The following ATP1B3 variants were observed in gnomAD, a reference collection of about 807,000 sequenced individuals.
ATP1B3 encodes ATPase Na+/K+ transporting subunit beta 3, also known as sodium/potassium-transporting ATPase subunit beta-3.
Under a neutral mutation model 30.2 loss-of-function variants are expected in ATP1B3, and 10 were observed. The observed-to-expected ratio is 0.33, with a 90% CI of 0.20 to 0.56. ATP1B3 has a LOEUF of 0.56. ATP1B3 is among the 20% of genes least tolerant of loss of function. The pLI, the probability that ATP1B3 is intolerant of heterozygous loss-of-function variation, is 0.90. For missense variants in ATP1B3, 238 were observed against 336.7 expected (o/e 0.71, Z 2.29); for synonymous variants, 113 against 117.0 (o/e 0.97, Z 0.22).
In ATP1B3 at chr3:141,926,123, C is replaced by T. The variant is rs990805057; in HGVS notation, c.*422C>T. The T allele has an allele frequency of 1.3e-5, 2 of 155,814 alleles. No homozygotes were observed. The highest frequency in any genetic ancestry group is 4.8e-5 in the African/African-American group (2 of 41,518). The allele number at this position is 155,814 out of a possible 1,614,324, so 9.7% of individuals were successfully genotyped here. A position where few individuals can be genotyped will look rare whatever the true frequency, so the allele number is the denominator to read the frequency against. On this transcript the variant is annotated 3_prime_UTR_variant, in exon 7 of 7. Transcript: ENST00000286371. ...CGGCCAACATCAAGTGACTTTATAGCTGCAAGAAATGTGGTATGTGGAGAA... is the reference window on the plus strand; with the variant it reads ...CGGCCAACATCAAGTGACTTTATAGTTGCAAGAAATGTGGTATGTGGAGAA...
chr3:141,910,634 T>TG (rs1466386228), intron 3 of ATP1B3, among the ~76,000 whole-genome samples: 1 of 152,132 alleles, frequency 6.6e-6, no homozygotes, highest in Non-Finnish European at 1.5e-5. Flanking sequence ...GTCTCTTTTC[T>TG]GGAAAACTCC....
intron 6 of ATP1B3, among the ~76,000 whole-genome samples, chr3:141,923,816 G>A (rs1019548932): frequency 1.3e-5 from 2 of 152,176 alleles, no homozygotes; most frequent in African/African-American, 4.8e-5. Flanking sequence ...CTTATTTTAT[G>A]TTCATTAGTT....
rs551616270 is a variant in ATP1B3 at position 141,894,142 on chromosome 3, A to G, written c.110-9478A>G. On this transcript the variant is annotated intron_variant, in intron 1 of 6. Coordinates refer to ENST00000286371, the MANE Select transcript of ATP1B3 (RefSeq NM_001679.4). ...AAAAAATGGTATACCTGTATAGGGCACTGACCTTGAATGGAGCTTGCAGGA... is the reference window on the plus strand; with the variant it reads ...AAAAAATGGTATACCTGTATAGGGCGCTGACCTTGAATGGAGCTTGCAGGA... Among the ~76,000 whole-genome samples the G allele has an allele frequency of 5.9e-5, 9 of 152,302 alleles. No individual in the cohort carries two copies. The South Asian group carries it at 1.5e-3, about 25-fold the overall frequency.
At chr3:141,887,264 A>G (rs1933852957) in intron 1 of ATP1B3, among the ~76,000 whole-genome samples, 1 of 152,340 alleles carries the variant, frequency 6.6e-6, no homozygotes, top group Middle Eastern at 3.4e-3. Context: ...TTTAGAAGTT[A>G]GAGTTGGTGA....
intron 5 of ATP1B3, among the ~76,000 whole-genome samples, chr3:141,920,481 C>T (rs1284539968): frequency 2.6e-5 from 4 of 151,638 alleles, no homozygotes. Context: ...GAGCCAAGAT[C>T]AGGCCATTGC....
chr3:141,925,571 T>G lies in ATP1B3; in HGVS notation c.710T>G (p.Phe237Cys). 1 of 1,613,770 alleles carries G rather than the reference T, an allele frequency of 6.2e-7. No homozygotes were observed. Among genetic ancestry groups the G allele is most frequent in the South Asian group, 1.1e-5 (1 of 91,014 alleles). The change falls in exon 7 of 7, where the codon TTT becomes TGT. Residue 237 changes from phenylalanine to cysteine, a missense_variant. Transcript: ENST00000286371. ...LQPLVAVQVS[F>C]APNNTGKEVT... ...CCATTGGTTGCTGTTCAGGTCAGCT[T>G]TGCTCCTAACAACACTGGGAAAGAA...
intron 1 of ATP1B3, among the ~76,000 whole-genome samples, chr3:141,890,065 G>GC (rs1170062409): frequency 7.0e-6 from 1 of 143,578 alleles, no homozygotes; most frequent in African/African-American, 2.6e-5. Flanking sequence ...TTTAAAAAAT[G>GC]CCTGTAATCT....
chr3:141,916,027 A>G lies in ATP1B3; in HGVS notation c.582+7A>G, dbSNP rs553141902. ...GATAGATTGTGTTTCAAAGGTTAGT[A>G]TTCAAAAAGTAACTCCTGTTAAATC... On this transcript the variant is annotated splice_region_variant and intron_variant, in intron 5 of 6. Coordinates refer to ENST00000286371, the MANE Select transcript of ATP1B3 (RefSeq NM_001679.4). 6.3e-7 allele frequency: 1 copy of G among 1,599,246 alleles called. No homozygotes were observed. Among genetic ancestry groups the G allele is most frequent in the South Asian group, 1.1e-5 (1 of 88,338 alleles).
chr3:141,924,260 C>T (rs1351054376), intron 6 of ATP1B3, among the ~76,000 whole-genome samples: 1 of 150,292 alleles, frequency 6.7e-6, no homozygotes, highest in African/African-American at 2.5e-5. Context: ...AGGAGAATCA[C>T]TTGAACCAGG....
At chr3:141,887,699 C>T (rs1933862389) in intron 1 of ATP1B3, among the ~76,000 whole-genome samples, 1 of 152,142 alleles carries the variant, frequency 6.6e-6, no homozygotes, top group South Asian at 2.1e-4. Context: ...ACTTGCATGT[C>T]TACACAATGG....
chr3:141,878,759 C>G (rs901678260), intron 1 of ATP1B3, among the ~76,000 whole-genome samples: 2 of 152,172 alleles, frequency 1.3e-5, no homozygotes, highest in African/African-American at 4.8e-5. Flanking sequence ...AAGTATTACT[C>G]TTATCAGTAA....
chr3:141,896,121 G>A (rs1576392798), intron 1 of ATP1B3, among the ~76,000 whole-genome samples: 1 of 152,142 alleles, frequency 6.6e-6, no homozygotes, highest in Non-Finnish European at 1.5e-5. Flanking sequence ...GGAGGCCAGG[G>A]TGGGAGGATC....
intron 3 of ATP1B3, among the ~76,000 whole-genome samples, chr3:141,911,388 T>A (rs1338092360): frequency 6.6e-6 from 1 of 152,142 alleles, no homozygotes; most frequent in Non-Finnish European, 1.5e-5. Flanking sequence ...AAATAATGTC[T>A]TCTCTATTTT....
chr3:141,878,865 TA>T (rs1933659206), intron 1 of ATP1B3, among the ~76,000 whole-genome samples: 1 of 152,230 alleles, frequency 6.6e-6, no homozygotes, highest in South Asian at 2.1e-4. Context: ...GGTATCCCTC[TA>T]AGGATATGTG....
chr3:141,907,136 T>C, intron 2 of ATP1B3, 31 bp from the exon 3 acceptor site: 1 of 1,505,204 alleles, frequency 6.6e-7, no homozygotes. Flanking sequence ...AGAAGGAAAT[T>C]TGATAATCTC....
In ATP1B3 at chr3:141,926,020, C is replaced by T. The variant is rs374120794; in HGVS notation, c.*319C>T. The T allele has an allele frequency of 8.1e-5, 19 of 233,456 alleles. No homozygotes were observed. The highest frequency in any genetic ancestry group is 4.4e-4 in the East Asian group (5 of 11,492). The allele number at this position is 233,456 out of a possible 1,614,324, so 14.5% of individuals were successfully genotyped here. ...GCCAAGTGTCTAAAGCTTAATATGC[C>T]GTGCTATGTAAATATTTTATGGATA... On this transcript the variant is annotated 3_prime_UTR_variant, in exon 7 of 7. Coordinates refer to ENST00000286371, the MANE Select transcript of ATP1B3 (RefSeq NM_001679.4).
rs1559863494 is a variant in ATP1B3 at position 141,880,305 on chromosome 3, A to C, written c.109+3395A>C. On this transcript the variant is annotated intron_variant, in intron 1 of 6. Coordinates refer to ENST00000286371, the MANE Select transcript of ATP1B3 (RefSeq NM_001679.4). ...TTACAGGTGGTTACAGCAGTTTCAA[A>C]ATGCTTATATACACATAAGTTACTT... Among the ~76,000 whole-genome samples, 3 of 152,320 alleles carry C rather than the reference A, an allele frequency of 2.0e-5. No individual in the cohort carries two copies. In the South Asian group the frequency reaches 6.2e-4, roughly 32 times the overall value.
At chr3:141,904,305 C>CTT (rs202114170) in intron 2 of ATP1B3, among the ~76,000 whole-genome samples, 13 of 143,658 alleles carry the variant, frequency 9.0e-5, no homozygotes, top group East Asian at 2.0e-4. Context: ...GTTTCGGTTT[C>CTT]TTTTTTTTTT....
At chr3:141,903,833 A>G in intron 2 of ATP1B3, 85 bp downstream of exon 2, 9 of 1,470,578 alleles carry the variant, frequency 6.1e-6, no homozygotes, top group East Asian at 4.8e-5. Flanking sequence ...CCAGGCTGGA[A>G]TGCAGTGGCA....
Sources: gnomAD v4.1 joint callset for allele counts (sites outside exome capture counted in the v4.1 genomes callset) on GRCh38, gnomAD v4.1.1 for gene constraint, MANE v1.5 for transcripts, NCBI Gene and HGNC (gene_info 2026-07-23, HGNC 2026-07-21) for gene names.